DDX17: variants seen among roughly 807,000 people sequenced by gnomAD.
DDX17 encodes the protein probable ATP-dependent RNA helicase DDX17.
A neutral mutation model predicts 80.8 loss-of-function variants in DDX17; 10 were observed. The observed-to-expected ratio is 0.12, with a 90% CI of 0.08 to 0.21. The LOEUF (loss-of-function observed/expected upper bound fraction) is 0.21. Among genes scored for constraint, DDX17 ranks in the 10% least tolerant of loss-of-function variants. The pLI is 1.00. For synonymous variants in DDX17, 339 were observed against 336.2 expected, an observed-to-expected ratio of 1.01 and a Z score of -0.09; for missense variants, 586 against 957.4, an observed-to-expected ratio of 0.61 and a Z score of 5.12.
rs1314568880 is a variant in DDX17, at chr22:38,485,903, A to C, written c.*32T>G. 1.2e-6 allele frequency: 2 copies of C among 1,605,718 alleles called. No homozygotes were observed. Among genetic ancestry groups the C allele is most frequent in the African/African-American group, 2.7e-5 (2 of 74,616 alleles). On this transcript the variant is annotated 3_prime_UTR_variant, in exon 13 of 13. Transcript: ENST00000403230. The stretch of plus-strand genomic sequence containing the variant: ...GACAGTGTTCCTTAAAATGTAATTA[A>C]GTCTGCTGGAGTCACTACCACTTGA...
intron 11 of DDX17, chr22:38,490,464 C>G: frequency 7.8e-7 from 1 of 1,287,550 alleles, no homozygotes; most frequent in Non-Finnish European, 1.0e-6. Flanking sequence ...AAAATAAATT[C>G]AATACTTTTA....
Position 38,485,349 on chromosome 22 carries a change from T to TA in DDX17, c.*585dup, listed in dbSNP as rs1285451020. The TA allele has an allele frequency of 6.6e-6, 1 of 152,180 alleles. No individual in the cohort carries two copies. Among genetic ancestry groups the TA allele is most frequent in the Non-Finnish European group, 1.5e-5 (1 of 68,026 alleles). The allele number at this position is 152,180 out of a possible 1,614,324, so 9.4% of individuals were successfully genotyped here. On this transcript the variant is annotated 3_prime_UTR_variant, in exon 13 of 13. Coordinates refer to ENST00000403230, the MANE Select transcript of DDX17 (RefSeq NM_006386.5). ...GGAAATAAAACCAATTAGTAATTTT[T>TA]AACTATCAAATGCACTCCAGCAATC...
chr22:38,497,748 G>C (rs1256632366), intron 5 of DDX17, among the ~76,000 whole-genome samples: 2 of 151,272 alleles, frequency 1.3e-5, no homozygotes, highest in Non-Finnish European at 1.5e-5. Context: ...CCAACACGGA[G>C]CGAACCTCCA....
chr22:38,500,191 CA>C (rs2089813646), intron 2 of DDX17, among the ~76,000 whole-genome samples: 1 of 132,504 alleles, frequency 7.5e-6, no homozygotes, highest in Non-Finnish European at 1.6e-5. Flanking sequence ...AAAAAAAAGC[CA>C]ATCTATCTTT....
In DDX17 at chr22:38,485,928, AGTGGT is replaced by A; in HGVS notation, c.*2_*6del. ...AGTCTGCTGGAGTCACTACCACTTG[AGTGGT>A]TTCATTTACGTGAAGGAGGAGGAGG... On this transcript the variant is annotated 3_prime_UTR_variant, in exon 13 of 13. Transcript: ENST00000403230. 6.2e-7 allele frequency: 1 copy of A among 1,612,442 alleles called. No homozygotes were observed. The highest frequency in any genetic ancestry group is 8.5e-7 in the Non-Finnish European group (1 of 1,179,608).
chr22:38,496,127 T>C (rs1266317398), intron 5 of DDX17, among the ~76,000 whole-genome samples, 190 bp from the exon 6 acceptor site: 1 of 152,148 alleles, frequency 6.6e-6, no homozygotes, highest in Non-Finnish European at 1.5e-5. Context: ...TTATTAGAAC[T>C]TCATGTTTAG....
intron 3 of DDX17, among the ~76,000 whole-genome samples, chr22:38,498,954 G>A (rs1425813082): frequency 6.6e-6 from 1 of 152,198 alleles, no homozygotes; most frequent in Admixed American, 6.5e-5. Context: ...AGAGGAGGTA[G>A]TGAGCTGAGA....
At position 38,485,827 on chromosome 22, in the gene DDX17, AAAAGAAAAAAGGAAAAAAAAAG is replaced by A; in HGVS notation, c.*86_*107del. On this transcript the variant is annotated 3_prime_UTR_variant, in exon 13 of 13. Coordinates refer to ENST00000403230, the MANE Select transcript of DDX17 (RefSeq NM_006386.5). The stretch of plus-strand genomic sequence containing the variant: ...GTTGGGGGGAAAAATTAAAAAAAAA[AAAAGAAAAAAGGAAAAAAAAAG>A]AAAAGGCGAAGAGGAAAAAAAAAGG... 1 of 1,399,656 alleles carries A rather than the reference AAAAGAAAAAAGGAAAAAAAAAG, an allele frequency of 7.1e-7. No homozygotes were observed. Among genetic ancestry groups the A allele is most frequent in the South Asian group, 1.6e-5 (1 of 61,664 alleles). The allele number at this position is 1,399,656 out of a possible 1,614,324, so 86.7% of individuals were successfully genotyped here. A position where few individuals can be genotyped will look rare whatever the true frequency, so the allele number is the denominator to read the frequency against.
chr22:38,487,408 C>G (rs1569136923), intron 12 of DDX17, among the ~76,000 whole-genome samples: 1 of 152,122 alleles, frequency 6.6e-6, no homozygotes, highest in African/African-American at 2.4e-5. Flanking sequence ...CACCAGAGGT[C>G]AGGAGTTCGA....
intron 11 of DDX17, chr22:38,490,104 C>T (rs2089698385): frequency 9.7e-6 from 11 of 1,132,342 alleles, no homozygotes; most frequent in East Asian, 6.7e-5. Context: ...CCTGTGTGTG[C>T]ATGCACAGCT....
chr22:38,498,327 A>G, intron 4 of DDX17, 113 bp downstream of exon 4: 1 of 1,468,242 alleles, frequency 6.8e-7, no homozygotes, highest in Non-Finnish European at 9.3e-7. Context: ...TAATAACTAA[A>G]ATAGTATCTA....
At position 38,488,122 on chromosome 22, in the gene DDX17, C is replaced by A; in HGVS notation, c.1448-7G>T. 1 of 1,614,146 alleles carries A rather than the reference C, an allele frequency of 6.2e-7. No homozygotes were observed. On this transcript the variant is annotated splice_region_variant and splice_polypyrimidine_tract_variant and intron_variant, in intron 11 of 12. Transcript: ENST00000403230. ...AACTTGACATCTTCCACATCTTCCA[C>A]GTCAATGATGAGTCAGTGTGTAGGT...
chr22:38,490,898 C>T (rs1259695349), intron 11 of DDX17: 1 of 156,996 alleles, frequency 6.4e-6, no homozygotes, highest in Non-Finnish European at 1.4e-5. Flanking sequence ...CTAATGGTAG[C>T]CAATTAATTT....
At chr22:38,491,977 T>C in intron 11 of DDX17, 79 bp downstream of exon 11, 1 of 1,045,128 alleles carries the variant, frequency 9.6e-7, no homozygotes, top group Non-Finnish European at 1.4e-6. Context: ...TTTCTAAACT[T>C]GAAGTCTGAA....
chr22:38,501,729 G>C (rs1185102336), intron 1 of DDX17, among the ~76,000 whole-genome samples: 1 of 152,188 alleles, frequency 6.6e-6, no homozygotes, highest in Non-Finnish European at 1.5e-5. Context: ...AAAAGTATCT[G>C]GCATAGCCAG....
intron 10 of DDX17, among the ~76,000 whole-genome samples, chr22:38,492,368 CT>C (rs1230549687): frequency 6.6e-6 from 1 of 152,078 alleles, no homozygotes; most frequent in Non-Finnish European, 1.5e-5. Flanking sequence ...TTTTTTTCCC[CT>C]TAAAGTTATT....
At chr22:38,499,030 A>C (rs2089799925) in intron 3 of DDX17, among the ~76,000 whole-genome samples, 1 of 152,070 alleles carries the variant, frequency 6.6e-6, no homozygotes, top group Non-Finnish European at 1.5e-5. Flanking sequence ...AAACAAACAA[A>C]AGCTGCTACA....
At chr22:38,491,934 T>C in intron 11 of DDX17, 122 bp downstream of exon 11, 1 of 624,118 alleles carries the variant, frequency 1.6e-6, no homozygotes, top group Non-Finnish European at 2.5e-6. Context: ...TTTTTTTCTT[T>C]CAAATATTTA....
chr22:38,493,464 G>A (rs1407508061), intron 10 of DDX17: 1 of 443,460 alleles, frequency 2.3e-6, no homozygotes, highest in Non-Finnish European at 4.1e-6. Context: ...TAGGATTATA[G>A]GCATGAGCCA....
Sources: allele counts gnomAD v4.1 joint callset (sites outside exome capture counted in the v4.1 genomes callset), GRCh38; gene constraint gnomAD v4.1.1; transcripts MANE v1.5; gene names NCBI Gene and HGNC (gene_info 2026-07-23, HGNC 2026-07-21).